The following APCDD1L variants were observed in gnomAD, a reference collection of about 807,000 sequenced individuals.
The protein encoded by APCDD1L is APC down-regulated 1 like, also known as protein APCDD1-like.
A neutral mutation model predicts 24.2 loss-of-function variants in APCDD1L; 21 were observed. That is an observed-to-expected ratio of 0.87 (90% CI 0.61 to 1.25). The LOEUF is 1.25. APCDD1L is among the 50% of genes most tolerant of loss of function. The pLI is 0.00. For missense variants in APCDD1L, 704 were observed against 711.7 expected, an observed-to-expected ratio of 0.99 and a Z score of 0.12; for synonymous variants, 321 against 323.6, an observed-to-expected ratio of 0.99 and a Z score of 0.09.
chr20:58,502,423 CTG>C, intron 1 of APCDD1L, among the ~76,000 whole-genome samples: 1 of 152,186 alleles, frequency 6.6e-6, no homozygotes, highest in East Asian at 1.9e-4. Flanking sequence ...GTTTTCTAAT[CTG>C]TATGTCCTAC....
intron 1 of APCDD1L, among the ~76,000 whole-genome samples, chr20:58,499,639 C>A (rs1029084717): frequency 2.0e-5 from 3 of 152,220 alleles, no homozygotes; most frequent in African/African-American, 7.2e-5. Flanking sequence ...CCTTCCCAAG[C>A]ACGTTCATAG....
At chr20:58,486,311 C>A (rs1182528641) in intron 1 of APCDD1L, among the ~76,000 whole-genome samples, 2 of 151,984 alleles carry the variant, frequency 1.3e-5, no homozygotes, top group African/African-American at 4.8e-5. Context: ...ACAAAAATAA[C>A]GTTGTTGAAA....
At chr20:58,481,723 C>T (rs1281227114) in intron 1 of APCDD1L, among the ~76,000 whole-genome samples, 1 of 152,208 alleles carries the variant, frequency 6.6e-6, no homozygotes, top group Non-Finnish European at 1.5e-5. Context: ...GGCGAACCCT[C>T]ACCCCGCCGG....
chr20:58,495,866 A>G (rs1412530796), intron 1 of APCDD1L, among the ~76,000 whole-genome samples: 1 of 151,988 alleles, frequency 6.6e-6, no homozygotes, highest in Non-Finnish European at 1.5e-5. Flanking sequence ...TGCCAGGGCC[A>G]TCAGCGGAGT....
At chr20:58,473,731 A>G (rs896352551) in intron 1 of APCDD1L, among the ~76,000 whole-genome samples, 8 of 152,246 alleles carry the variant, frequency 5.3e-5, no homozygotes, top group African/African-American at 1.9e-4. Context: ...TGCATGGACC[A>G]AATTGACTTT....
intron 1 of APCDD1L, chr20:58,514,106 C>T (rs1990687071): frequency 2.1e-6 from 1 of 469,578 alleles, no homozygotes. Context: ...ACTACTCTAC[C>T]AGGGGTTCCT....
In APCDD1L at chr20:58,494,288, ACTTTT is replaced by A. The variant is rs1228834598; in HGVS notation, c.49+20366_49+20370del. Among the ~76,000 whole-genome samples, 1 of 131,356 alleles carries A rather than the reference ACTTTT, an allele frequency of 7.6e-6. No individual in the cohort carries two copies. Among genetic ancestry groups the A allele is most frequent in the African/African-American group, 3.9e-5 (1 of 25,656 alleles). 86.2% of individuals were successfully genotyped at this position (131,356 alleles called of 152,430 possible). On this transcript the variant is annotated intron_variant, in intron 1 of 3. Coordinates refer to ENST00000371149, the MANE Select transcript of APCDD1L (RefSeq NM_153360.3). This position sits in a 1 kb window ranked among gnomAD's most constrained non-coding sequence, Gnocchi z 4.8. Reference sequence around the variant, plus strand: ...CTTTTTTCTTTTCTTTTCTTTTCTTACTTTTCTTTTCTCTTCTCTCTTCTCTTCTC... The same window carrying A: ...CTTTTTTCTTTTCTTTTCTTTTCTTACTTTTCTCTTCTCTCTTCTCTTCTC...
intron 1 of APCDD1L, among the ~76,000 whole-genome samples, chr20:58,489,523 A>C (rs996050532): frequency 6.6e-6 from 1 of 152,038 alleles, no homozygotes; most frequent in Admixed American, 6.6e-5. Context: ...CTCTACTAAA[A>C]ATACAAAAAA....
At chr20:58,464,862 T>TA (rs1989678421) in intron 3 of APCDD1L, among the ~76,000 whole-genome samples, 1 of 151,648 alleles carries the variant, frequency 6.6e-6, no homozygotes, top group Non-Finnish European at 1.5e-5. Flanking sequence ...CTTTCTTTTT[T>TA]TTTTTTTCTC....
chr20:58,485,549 T>G (rs1056647653), intron 1 of APCDD1L, among the ~76,000 whole-genome samples: 10 of 152,210 alleles, frequency 6.6e-5, no homozygotes, highest in Non-Finnish European at 1.3e-4. Flanking sequence ...TAACTTGGAT[T>G]CTTACCCTTC....
At chr20:58,503,120 T>A (rs1201804149) in intron 1 of APCDD1L, among the ~76,000 whole-genome samples, 2 of 152,030 alleles carry the variant, frequency 1.3e-5, no homozygotes, top group Non-Finnish European at 2.9e-5. Context: ...GGGGGTGGGG[T>A]TTCCTAGCAA....
intron 1 of APCDD1L, among the ~76,000 whole-genome samples, chr20:58,506,203 C>T (rs1990525701): frequency 6.6e-6 from 1 of 152,176 alleles, no homozygotes; most frequent in Admixed American, 6.5e-5. Context: ...AACCTGAGTC[C>T]CCTTGCACCT....
rs375067763 is a variant in APCDD1L, at chr20:58,469,801, C to T, written c.188+808G>A. On this transcript the variant is annotated intron_variant, in intron 2 of 3. Transcript: ENST00000371149. ...GACCTCAGGAGGTACAGGAAGGACA[C>T]GGAGAGGCCAGTCCTTGACCCCAGA... Among the ~76,000 whole-genome samples, 21 of 152,288 alleles carry T rather than the reference C, an allele frequency of 1.4e-4. No homozygotes were observed. The East Asian group carries it at 2.7e-3, about 20-fold the overall frequency.
chr20:58,471,079 G>C (rs1009626520), intron 1 of APCDD1L, among the ~76,000 whole-genome samples: 1 of 152,208 alleles, frequency 6.6e-6, no homozygotes, highest in Non-Finnish European at 1.5e-5. Flanking sequence ...TAGAAGCCCA[G>C]ACCTTCCACG....
chr20:58,483,854 C>T (rs1232327963), intron 1 of APCDD1L, among the ~76,000 whole-genome samples: 8 of 152,072 alleles, frequency 5.3e-5, no homozygotes, highest in African/African-American at 1.4e-4. Flanking sequence ...GGGTGCAGCT[C>T]CTCAGCCTGG....
intron 1 of APCDD1L, among the ~76,000 whole-genome samples, chr20:58,491,513 T>G (rs1201219386): frequency 1.3e-5 from 2 of 152,130 alleles, no homozygotes; most frequent in Non-Finnish European, 2.9e-5. Context: ...AAATATAAGA[T>G]ACCTAGGAAT....
rs142388944 is a variant in APCDD1L, at chr20:58,461,421, C to T, written c.875G>A (p.Arg292His). The T allele has an allele frequency of 1.2e-5, 18 of 1,531,358 alleles. No homozygotes were observed. The highest frequency in any genetic ancestry group is 5.5e-5 in the African/African-American group (4 of 73,016). 94.9% of individuals were successfully genotyped at this position (1,531,358 alleles called of 1,614,324 possible). The part of the protein sequence containing the change: ...GWWVSSGCEV[R>H]PAVLFLTRLF... ...CCGGGTGAGGAACAGGACTGCTGGGCGCACCTCGCACCCCGAGCTGACCCA... is the reference window on the plus strand; with the variant it reads ...CCGGGTGAGGAACAGGACTGCTGGGTGCACCTCGCACCCCGAGCTGACCCA... Residue 292 changes from arginine to histidine, a missense_variant, in exon 4 of 4, where the codon CGC becomes CAC. Arg to His is a conservative substitution (Grantham distance 29). Transcript: ENST00000371149. The surrounding 1 kb of genome is among the most constrained non-coding windows in gnomAD (Gnocchi z 6.0).
At chr20:58,470,111 G>T (rs925191262) in intron 2 of APCDD1L, among the ~76,000 whole-genome samples, 3 of 152,196 alleles carry the variant, frequency 2.0e-5, no homozygotes, top group Non-Finnish European at 4.4e-5. Flanking sequence ...TTCAGCAGCT[G>T]CCCCCTCTGC....
chr20:58,478,693 C>T (rs778752944), intron 1 of APCDD1L, among the ~76,000 whole-genome samples: 13 of 152,092 alleles, frequency 8.5e-5, no homozygotes, highest in Non-Finnish European at 1.2e-4. Flanking sequence ...CATAGCAGCA[C>T]GTGTGTGACT....
Sources: allele counts gnomAD v4.1 joint callset (sites outside exome capture counted in the v4.1 genomes callset), GRCh38; gene constraint gnomAD v4.1.1; non-coding constraint Gnocchi (gnomAD v3.1); transcripts MANE v1.5; gene names NCBI Gene and HGNC (gene_info 2026-07-23, HGNC 2026-07-21).